Variants in TP63 observed in about 807,000 individuals in gnomAD.
TP63 encodes tumor protein 63.
A neutral mutation model predicts 82.8 loss-of-function variants in TP63; 17 were observed. That is an observed-to-expected ratio of 0.21 (90% CI 0.14 to 0.31). TP63 has a LOEUF of 0.31. TP63 is among the 10% of genes least tolerant of loss of function. The pLI is 1.00. For missense variants in TP63, 648 were observed against 895.3 expected, an observed-to-expected ratio of 0.72 and a Z score of 3.52; for synonymous variants, 330 against 321.7, an observed-to-expected ratio of 1.03 and a Z score of -0.28.
chr3:189,621,592 T>TAG, the TP63 span, among the ~76,000 whole-genome samples: 2 of 151,728 alleles, frequency 1.3e-5, 1 homozygote, highest in South Asian at 4.2e-4. Context: ...TATACACATA[T>TAG]ACACATAAAT....
At chr3:189,844,687 A>G (rs950605681) in intron 4 of TP63, among the ~76,000 whole-genome samples, 5 of 152,246 alleles carry the variant, frequency 3.3e-5, no homozygotes, top group African/African-American at 1.2e-4. Context: ...TCCAAAGTAT[A>G]GTATATAATT....
chr3:189,601,181 A>G, the TP63 span, among the ~76,000 whole-genome samples: 9 of 152,270 alleles, frequency 5.9e-5, no homozygotes, highest in Middle Eastern at 3.4e-3. Flanking sequence ...CTTGAGCTGC[A>G]ATCTTGTGCA....
Position 189,897,257 on chromosome 3 carries a change from A to G in TP63, c.*2755A>G. The G allele has an allele frequency of 5.1e-6, 1 of 194,764 alleles. No homozygotes were observed. Among genetic ancestry groups the G allele is most frequent in the East Asian group, 8.2e-5 (1 of 12,174 alleles). The allele number at this position is 194,764 out of a possible 1,614,324, so 12.1% of individuals were successfully genotyped here. A position where few individuals can be genotyped will look rare whatever the true frequency, so the allele number is the denominator to read the frequency against. On this transcript the variant is annotated 3_prime_UTR_variant, in exon 14 of 14. Transcript: ENST00000264731. ...GACATGCAATAAAATTTAAAAAATA[A>G]ATAAAAACTAATTAAGAAATTGTGT...
intron 3 of TP63, among the ~76,000 whole-genome samples, chr3:189,780,839 A>G (rs1724176277): frequency 3.9e-5 from 6 of 152,156 alleles, no homozygotes; most frequent in Admixed American, 3.9e-4. Flanking sequence ...GGTGACAGTG[A>G]TGTCAGTTAT....
At chr3:189,626,353 G>A in the TP63 span, among the ~76,000 whole-genome samples, 33 of 152,252 alleles carry the variant, frequency 2.2e-4, no homozygotes, top group Non-Finnish European at 4.3e-4. Flanking sequence ...AATAGTTGGT[G>A]AATTTACTCC....
chr3:189,695,721 C>T (rs1717325124), intron 1 of TP63, among the ~76,000 whole-genome samples: 1 of 152,124 alleles, frequency 6.6e-6, no homozygotes, highest in Non-Finnish European at 1.5e-5. Context: ...CTGTATCCTC[C>T]CACACTAAAG....
intron 3 of TP63, among the ~76,000 whole-genome samples, chr3:189,765,433 C>CTTTTTTTTTTTTTTTTGTTTTTT (rs1722876950): frequency 3.3e-5 from 1 of 30,088 alleles, no homozygotes; most frequent in Non-Finnish European, 5.9e-5. Context: ...CTGTCCTCTG[C>CTTTTTTTTTTTTTTTTGTTTTTT]TTTTTTTTTT....
intron 4 of TP63, among the ~76,000 whole-genome samples, chr3:189,836,683 G>A (rs749688495): frequency 7.2e-5 from 11 of 152,090 alleles, no homozygotes; most frequent in Non-Finnish European, 1.0e-4. Flanking sequence ...AGCCCCATCA[G>A]TGCTCCTAGA....
chr3:189,875,507 A>C (rs1718941892), intron 10 of TP63, among the ~76,000 whole-genome samples: 1 of 147,434 alleles, frequency 6.8e-6, no homozygotes, highest in African/African-American at 2.5e-5. Flanking sequence ...CAGAGGTTGC[A>C]GTGAGCCAAG....
intron 1 of TP63, among the ~76,000 whole-genome samples, chr3:189,732,542 C>T (rs59435120): frequency 0.044 from 6,696 of 152,258 alleles, 488 homozygotes; most frequent in African/African-American, 0.15. Context: ...CGATGTAGCG[C>T]GTTTTGTGGT....
At chr3:189,852,855 C>T (rs771874031) in intron 4 of TP63, among the ~76,000 whole-genome samples, 4 of 152,132 alleles carry the variant, frequency 2.6e-5, no homozygotes, top group Non-Finnish European at 5.9e-5. Context: ...CCTCCTCCTT[C>T]CCCCATCCCA....
At chr3:189,851,612 T>A (rs1363271892) in intron 4 of TP63, among the ~76,000 whole-genome samples, 1 of 151,914 alleles carries the variant, frequency 6.6e-6, no homozygotes, top group African/African-American at 2.4e-5. Context: ...TTAGTTCCCC[T>A]TTGGAGCAGA....
At chr3:189,834,888 CTTTTT>C (rs10641824) in intron 4 of TP63, among the ~76,000 whole-genome samples, 1 of 138,748 alleles carries the variant, frequency 7.2e-6, no homozygotes, top group African/African-American at 2.6e-5. Flanking sequence ...GGTTTTTTTC[CTTTTT>C]TTTTTTTTGT....
chr3:189,602,122 C>A, the TP63 span, among the ~76,000 whole-genome samples: 2 of 152,148 alleles, frequency 1.3e-5, no homozygotes, highest in Non-Finnish European at 2.9e-5. Flanking sequence ...CTCCTCTCTT[C>A]TCCACTGAAA....
intron 1 of TP63, among the ~76,000 whole-genome samples, chr3:189,654,261 A>AATTG (rs1037097951): frequency 5.3e-5 from 8 of 152,132 alleles, no homozygotes; most frequent in Non-Finnish European, 1.2e-4. Context: ...AAAAAAGAAA[A>AATTG]ATTGCAATCA....
At chr3:189,765,783 T>C (rs1010687283) in intron 3 of TP63, among the ~76,000 whole-genome samples, 15 of 152,130 alleles carry the variant, frequency 9.9e-5, no homozygotes, top group African/African-American at 3.4e-4. Context: ...AGCACTGGCC[T>C]AGGAGCCAGG....
upstream of TP63, among the ~76,000 whole-genome samples, chr3:189,629,131 A>G (rs1443769459): frequency 6.6e-6 from 1 of 152,110 alleles, no homozygotes; most frequent in East Asian, 1.9e-4. Flanking sequence ...TAATCCCAAC[A>G]CTTTGGGAAG....
chr3:189,852,996 TAAC>T (rs1368889195), intron 4 of TP63, among the ~76,000 whole-genome samples: 16 of 152,228 alleles, frequency 1.1e-4, no homozygotes, highest in Admixed American at 9.8e-4. Flanking sequence ...TGGTGAATAA[TAAC>T]TTCTTTTTTA....
chr3:189,845,856 G>T (rs1714792118), intron 4 of TP63, among the ~76,000 whole-genome samples: 1 of 151,596 alleles, frequency 6.6e-6, no homozygotes, highest in Non-Finnish European at 1.5e-5. Flanking sequence ...TGTGATTTGA[G>T]ATTTGCATGT....
Sources: allele counts gnomAD v4.1 joint callset (sites outside exome capture counted in the v4.1 genomes callset), GRCh38; gene constraint gnomAD v4.1.1; transcripts MANE v1.5; gene names NCBI Gene and HGNC (gene_info 2026-07-23, HGNC 2026-07-21).